The following DCAF6 variants were observed in gnomAD, a reference collection of about 807,000 sequenced individuals.
The protein encoded by DCAF6 is DDB1- and CUL4-associated factor 6.
DCAF6 carries 54 observed loss-of-function variants against 125.1 expected under a neutral mutation model. The ratio of observed to expected loss-of-function variants is 0.43; its 90% CI spans 0.35 to 0.54. DCAF6 has a LOEUF of 0.54. Among genes scored for constraint, DCAF6 ranks in the 20% least tolerant of loss-of-function variants. DCAF6 has a pLI of 0.01. For synonymous variants in DCAF6, 371 were observed against 390.4 expected (o/e 0.95, Z 0.58); for missense variants, 934 against 1,161.7 (o/e 0.80, Z 2.85).
chr1:167,910,043 A>G, the DCAF6 span, among the ~76,000 whole-genome samples: 1 of 152,276 alleles, frequency 6.6e-6, no homozygotes, highest in Non-Finnish European at 1.5e-5. Flanking sequence ...CACAGCTCTA[A>G]GCCCTTAAAA....
At chr1:168,073,678 G>A (rs919456559) in intron 21 of DCAF6, among the ~76,000 whole-genome samples, 1 of 151,952 alleles carries the variant, frequency 6.6e-6, no homozygotes, top group Non-Finnish European at 1.5e-5. Flanking sequence ...CTTTGAGATA[G>A]GCCGTTACTG....
chr1:167,875,240 G>T, the DCAF6 span: 1 of 1,542,238 alleles, frequency 6.5e-7, no homozygotes, highest in South Asian at 1.1e-5. Flanking sequence ...GACATATTGA[G>T]AGCAAGAGTG....
intron 12 of DCAF6, among the ~76,000 whole-genome samples, chr1:168,034,020 A>G (rs542915588): frequency 2.6e-5 from 4 of 152,362 alleles, no homozygotes; most frequent in East Asian, 3.9e-4. Flanking sequence ...TTCCTATACT[A>G]TGATGCCAAA....
chr1:167,937,513 C>A (rs1671482466), intron 1 of DCAF6, among the ~76,000 whole-genome samples: 1 of 152,050 alleles, frequency 6.6e-6, no homozygotes, highest in Non-Finnish European at 1.5e-5. Flanking sequence ...GTTTTTGCGG[C>A]GCTGAGCCAA....
At chr1:167,955,529 T>C (rs1313292377) in intron 2 of DCAF6, among the ~76,000 whole-genome samples, 1 of 152,120 alleles carries the variant, frequency 6.6e-6, no homozygotes, top group Non-Finnish European at 1.5e-5. Flanking sequence ...TTTTTAGATA[T>C]TCATCTGTAT....
chr1:167,962,950 A>G (rs1360749267), intron 2 of DCAF6, among the ~76,000 whole-genome samples: 3 of 151,980 alleles, frequency 2.0e-5, no homozygotes, highest in Non-Finnish European at 1.5e-5. Flanking sequence ...GCGAGACTCC[A>G]TCTCAAAAAA....
intron 4 of DCAF6, among the ~76,000 whole-genome samples, chr1:167,980,636 T>C (rs1678960575): frequency 6.6e-6 from 1 of 152,216 alleles, no homozygotes; most frequent in African/African-American, 2.4e-5. Context: ...TCCTTTGCTT[T>C]TTTTTAATCT....
intron 16 of DCAF6, 116 bp from the exon 17 acceptor site, chr1:168,050,757 GAAGTCACAAAGGGAAACAA>G: frequency 2.3e-6 from 1 of 427,906 alleles, no homozygotes; most frequent in Non-Finnish European, 4.1e-6. Context: ...CTTAATGCCC[GAAGTCACAAAGGGAAACAA>G]AAGTTTTTTT....
intron 1 of DCAF6, among the ~76,000 whole-genome samples, chr1:167,938,477 T>C (rs1245774045): frequency 2.6e-5 from 4 of 152,232 alleles, no homozygotes; most frequent in African/African-American, 9.6e-5. Context: ...TACAGCATTT[T>C]AATGAACATC....
At chr1:167,997,100 T>G (rs1022457616) in intron 7 of DCAF6, among the ~76,000 whole-genome samples, 3 of 152,204 alleles carry the variant, frequency 2.0e-5, no homozygotes, top group Non-Finnish European at 2.9e-5. Context: ...ACCTGACATA[T>G]AAAAGGTGCT....
At chr1:167,901,964 A>G in the DCAF6 span, 1 of 1,609,028 alleles carries the variant, frequency 6.2e-7, no homozygotes, top group East Asian at 2.2e-5. Context: ...ACAGAAGCAC[A>G]GGCACCTCAG....
At chr1:168,023,097 C>T in intron 12 of DCAF6, 50 bp downstream of exon 12, 1 of 1,549,644 alleles carries the variant, frequency 6.5e-7, no homozygotes, top group Admixed American at 1.7e-5. Context: ...AGCTTTATTG[C>T]AATGCATATA....
At chr1:167,878,378 T>G in the DCAF6 span, 1 of 1,547,710 alleles carries the variant, frequency 6.5e-7, no homozygotes, top group Non-Finnish European at 8.9e-7. Context: ...AATGGGTGAC[T>G]GCTTTGCTAT....
intron 20 of DCAF6, among the ~76,000 whole-genome samples, chr1:168,067,779 G>GT (rs1246218722): frequency 6.6e-6 from 1 of 151,954 alleles, no homozygotes; most frequent in Non-Finnish European, 1.5e-5. Flanking sequence ...CCTTTGCCAT[G>GT]TTTTTTGCTT....
intron 12 of DCAF6, among the ~76,000 whole-genome samples, chr1:168,030,130 TAAATC>T (rs920428022): frequency 2.6e-5 from 4 of 151,604 alleles, no homozygotes; most frequent in East Asian, 1.9e-4. Flanking sequence ...GATGAAAAAA[TAAATC>T]AAGTGTGATG....
At chr1:167,877,948 A>G in the DCAF6 span, among the ~76,000 whole-genome samples, 1 of 152,222 alleles carries the variant, frequency 6.6e-6, no homozygotes, top group African/African-American at 2.4e-5. Flanking sequence ...GATTTTGAAC[A>G]TCACCATGAA....
chr1:167,877,244 G>A, the DCAF6 span, among the ~76,000 whole-genome samples: 1 of 148,322 alleles, frequency 6.7e-6, no homozygotes, highest in African/African-American at 2.5e-5. Flanking sequence ...TTTCTATCTC[G>A]TATGGTCAAT....
chr1:167,873,693 A>G, the DCAF6 span, among the ~76,000 whole-genome samples: 21 of 152,340 alleles, frequency 1.4e-4, no homozygotes, highest in Middle Eastern at 3.4e-3. Flanking sequence ...TCACAAAAAT[A>G]TCAATTCCAA....
At chr1:168,042,910 C>T in intron 13 of DCAF6, 115 bp from the exon 14 acceptor site, 3 of 611,720 alleles carry the variant, frequency 4.9e-6, no homozygotes, top group Non-Finnish European at 8.6e-6. Flanking sequence ...ATTATAAATC[C>T]TACATTTTAC....
Sources: gnomAD v4.1 joint callset for allele counts (sites outside exome capture counted in the v4.1 genomes callset) on GRCh38, gnomAD v4.1.1 for gene constraint, MANE v1.5 for transcripts, NCBI Gene and HGNC (gene_info 2026-07-23, HGNC 2026-07-21) for gene names.